The following PINX1 variants were observed in gnomAD, a reference collection of about 807,000 sequenced individuals.
PINX1 encodes PIN2 (TERF1) interacting telomerase inhibitor 1, also known as PIN2/TERF1-interacting telomerase inhibitor 1.
A neutral mutation model predicts 25.4 loss-of-function variants in PINX1; 34 were observed. The ratio of observed to expected loss-of-function variants is 1.34; its 90% CI spans 1.02 to 1.78. The LOEUF (loss-of-function observed/expected upper bound fraction) is 1.78, where lower values mean the gene tolerates loss of function less well. PINX1 is among the 40% of genes most tolerant of loss of function. The pLI is 0.00. For synonymous variants in PINX1, 197 were observed against 147.7 expected (o/e 1.33, Z -2.42); for missense variants, 592 against 404.9 (o/e 1.46, Z -3.97).
intron 5 of PINX1, among the ~76,000 whole-genome samples, chr8:10,821,007 G>C (rs773813889): frequency 5.3e-5 from 8 of 152,130 alleles, no homozygotes; most frequent in African/African-American, 1.2e-4. Context: ...CACTTCTTTG[G>C]AATTTCCACT....
At chr8:10,828,849 G>C (rs1224813649) in intron 4 of PINX1, among the ~76,000 whole-genome samples, 4 of 152,168 alleles carry the variant, frequency 2.6e-5, no homozygotes, top group African/African-American at 9.7e-5. Context: ...AAATACTGTT[G>C]TCAAAGCAGC....
intron 6 of PINX1, among the ~76,000 whole-genome samples, chr8:10,788,088 T>C (rs569336645): frequency 1.3e-5 from 2 of 152,018 alleles, no homozygotes; most frequent in Admixed American, 6.6e-5. Flanking sequence ...TACATACAGA[T>C]AGGATGATGT....
chr8:10,794,376 T>C (rs1481016810), intron 6 of PINX1, among the ~76,000 whole-genome samples: 1 of 152,132 alleles, frequency 6.6e-6, no homozygotes, highest in African/African-American at 2.4e-5. Flanking sequence ...CATCATATAT[T>C]GACTTAAAAT....
At chr8:10,820,295 A>C (rs1447608847) in intron 5 of PINX1, 26 bp from the exon 6 acceptor site, 1 of 1,495,546 alleles carries the variant, frequency 6.7e-7, no homozygotes, top group East Asian at 2.3e-5. Flanking sequence ...GATGCTTTTC[A>C]GTAAGACTGT....
chr8:10,799,169 A>G (rs1428309657), intron 6 of PINX1, among the ~76,000 whole-genome samples: 2 of 152,110 alleles, frequency 1.3e-5, no homozygotes, highest in African/African-American at 2.4e-5. Context: ...TTTGGAATCT[A>G]TATCTGGACA....
rs184734079 is a variant in PINX1 at position 10,805,200 on chromosome 8, C to A, written c.471+14993G>T. On this transcript the variant is annotated intron_variant, in intron 6 of 6. Coordinates refer to ENST00000314787, the MANE Select transcript of PINX1 (RefSeq NM_017884.6). ...GGGCAAGTTACCTGACCTGCTGCGA[C>A]CTCCTGCAGGGCGTGCTTGGAGGAA... Among the ~76,000 whole-genome samples the A allele has an allele frequency of 2.4e-3, 361 of 152,346 alleles. 2 individuals carry two copies. The highest frequency in any genetic ancestry group is 3.4e-3 in the Middle Eastern group (1 of 294).
chr8:10,836,992 T>A (rs1360142736), intron 1 of PINX1, among the ~76,000 whole-genome samples: 1 of 152,140 alleles, frequency 6.6e-6, no homozygotes, highest in East Asian at 1.9e-4. Flanking sequence ...CATGCCACAG[T>A]CTGTTCTGTG....
At chr8:10,796,451 C>T (rs1468212972) in intron 6 of PINX1, among the ~76,000 whole-genome samples, 1 of 152,172 alleles carries the variant, frequency 6.6e-6, no homozygotes, top group South Asian at 2.1e-4. Context: ...TCAGCTCCCC[C>T]TTCCAGAGAG....
chr8:10,802,595 C>G (rs1041640090), intron 6 of PINX1, among the ~76,000 whole-genome samples: 5 of 152,216 alleles, frequency 3.3e-5, no homozygotes, highest in African/African-American at 1.2e-4. Context: ...ATCTTCCTAA[C>G]TGCTTGCTAC....
intron 6 of PINX1, among the ~76,000 whole-genome samples, chr8:10,791,432 G>C (rs1365967027): frequency 6.6e-6 from 1 of 152,138 alleles, no homozygotes; most frequent in Admixed American, 6.5e-5. Context: ...ACCAGCTTAG[G>C]GATGGCAGCT....
chr8:10,800,326 G>A (rs946343018), intron 6 of PINX1, among the ~76,000 whole-genome samples: 6 of 152,112 alleles, frequency 3.9e-5, no homozygotes, highest in East Asian at 1.9e-4. Flanking sequence ...AGATGTTACC[G>A]CAGAGTTTTA....
intron 4 of PINX1, among the ~76,000 whole-genome samples, chr8:10,827,585 G>A (rs570617647): frequency 1.3e-5 from 2 of 152,070 alleles, no homozygotes; most frequent in East Asian, 1.9e-4. Flanking sequence ...ACAGTTTTAA[G>A]AACATTCAGA....
At chr8:10,806,201 C>A (rs933137613) in intron 6 of PINX1, among the ~76,000 whole-genome samples, 4 of 151,968 alleles carry the variant, frequency 2.6e-5, no homozygotes. Context: ...CAGGAAGGGG[C>A]CACACTAGTG....
At chr8:10,819,721 T>G (rs1160527800) in intron 6 of PINX1, among the ~76,000 whole-genome samples, 1 of 152,186 alleles carries the variant, frequency 6.6e-6, no homozygotes, top group African/African-American at 2.4e-5. Context: ...CAAACCCCCT[T>G]ATAGATGGTG....
At chr8:10,801,202 A>G (rs1802253932) in intron 6 of PINX1, among the ~76,000 whole-genome samples, 1 of 152,228 alleles carries the variant, frequency 6.6e-6, no homozygotes. Context: ...AAAGGGAAGG[A>G]AGGGGGAAGT....
intron 6 of PINX1, among the ~76,000 whole-genome samples, chr8:10,772,350 C>T (rs1258681015): frequency 6.6e-6 from 1 of 152,224 alleles, no homozygotes; most frequent in Non-Finnish European, 1.5e-5. Flanking sequence ...CTGAGCTAGG[C>T]AGTGATTCAC....
At chr8:10,793,322 A>G (rs1215842231) in intron 6 of PINX1, among the ~76,000 whole-genome samples, 1 of 152,210 alleles carries the variant, frequency 6.6e-6, no homozygotes, top group Admixed American at 6.5e-5. Context: ...TCCTGAGCTT[A>G]GTTTGCCCAA....
chr8:10,828,128 G>T (rs111586373), intron 4 of PINX1, among the ~76,000 whole-genome samples: 17 of 152,258 alleles, frequency 1.1e-4, no homozygotes, highest in African/African-American at 4.1e-4. Context: ...CGTGAAGGCA[G>T]ATGTTCCGCA....
At chr8:10,807,468 G>T (rs193049205) in intron 6 of PINX1, among the ~76,000 whole-genome samples, 84 of 151,856 alleles carry the variant, frequency 5.5e-4, no homozygotes, top group African/African-American at 1.9e-3. Flanking sequence ...AACAGCTAAT[G>T]TTCCAGAACT....
Sources: gnomAD v4.1 joint callset for allele counts (sites outside exome capture counted in the v4.1 genomes callset) on GRCh38, gnomAD v4.1.1 for gene constraint, MANE v1.5 for transcripts, NCBI Gene and HGNC (gene_info 2026-07-23, HGNC 2026-07-21) for gene names.